PPP1R3A: variants seen among roughly 807,000 people sequenced by gnomAD.
The protein encoded by PPP1R3A is protein phosphatase 1 regulatory subunit 3A.
PPP1R3A carries 29 observed loss-of-function variants against 41.7 expected under a neutral mutation model. The ratio of observed to expected loss-of-function variants is 0.70; its 90% CI spans 0.52 to 0.95. The LOEUF (loss-of-function observed/expected upper bound fraction) is 0.95, where lower values mean the gene tolerates loss of function less well. Ranked by LOEUF, PPP1R3A falls within the 40% of genes least tolerant of loss-of-function variation. The pLI is 0.00. For missense variants in PPP1R3A, 1,352 were observed against 1,292.4 expected, an observed-to-expected ratio of 1.05 and a Z score of -0.71; for synonymous variants, 485 against 453.4, an observed-to-expected ratio of 1.07 and a Z score of -0.89.
In PPP1R3A at chr7:113,912,057, T is replaced by C. The variant is rs993387641; in HGVS notation, c.782+6158A>G. On this transcript the variant is annotated intron_variant, in intron 1 of 3. Transcript: ENST00000284601. ...TTTATCCAAGTCAAGCAGATAGTAA[T>C]TAGTTAGAATTAAAGCCTCAAGGTC... 3.9e-5 allele frequency among the ~76,000 whole-genome samples: 6 copies of C among 152,234 alleles called. No individual in the cohort carries two copies. In the South Asian group the frequency reaches 1.2e-3, roughly 32 times the overall value.
At position 113,879,420 on chromosome 7, in the gene PPP1R3A, T is replaced by C. The variant is rs986669228; in HGVS notation, c.1672A>G (p.Ser558Gly). 2.5e-6 allele frequency: 4 copies of C among 1,613,484 alleles called. No homozygotes were observed. The Admixed American group carries it at 6.7e-5, about 27-fold the overall frequency. Residue 558 changes from serine (S) to glycine (G), a missense_variant, in exon 4 of 4, where the codon AGT becomes GGT. By Grantham distance (56) the Ser-to-Gly change is moderately conservative. Coordinates refer to ENST00000284601, the MANE Select transcript of PPP1R3A (RefSeq NM_002711.4). ...AGCAGAGTAGCCAGGTCTCTGTTAC[T>C]AGCTCCAATCCCTGCCACACTTATT... ...PKISVAGIGA[S>G]NRDLATLLSE...
At chr7:113,894,003 G>A (rs1014016545) in intron 1 of PPP1R3A, among the ~76,000 whole-genome samples, 1 of 151,898 alleles carries the variant, frequency 6.6e-6, no homozygotes, top group Non-Finnish European at 1.5e-5. Flanking sequence ...GTGACAAAGT[G>A]GTAGGTGGTG....
intron 1 of PPP1R3A, among the ~76,000 whole-genome samples, chr7:113,911,703 G>A (rs1199974402): frequency 2.6e-5 from 4 of 151,888 alleles, no homozygotes; most frequent in South Asian, 2.1e-4. Flanking sequence ...ATAAATACTC[G>A]TCTCCCTGGC....
intron 1 of PPP1R3A, among the ~76,000 whole-genome samples, chr7:113,908,494 C>T (rs913967322): frequency 4.0e-5 from 6 of 151,784 alleles, no homozygotes; most frequent in Non-Finnish European, 8.8e-5. Flanking sequence ...ATTGATAGAA[C>T]AAATAGCTTT....
At chr7:113,883,233 C>A (rs1308832014) in intron 1 of PPP1R3A, among the ~76,000 whole-genome samples, 1 of 151,942 alleles carries the variant, frequency 6.6e-6, no homozygotes, top group African/African-American at 2.4e-5. Flanking sequence ...TTCTTATACT[C>A]TCTCAACTGA....
At position 113,880,120 on chromosome 7, in the gene PPP1R3A, A is replaced by T; in HGVS notation, c.972T>A (p.Asn324Lys). 5 of 1,589,634 alleles carry T rather than the reference A, an allele frequency of 3.1e-6. No individual in the cohort carries two copies. Among genetic ancestry groups the T allele is most frequent in the Non-Finnish European group, 4.3e-6 (5 of 1,158,664 alleles). ...TACTTCTGGTTCTTATTAAGTGTTG[A>T]TTTATCTTATGGGATAAAAACAACA... ...HNEKELELMINQHLIRTRSTA... is the reference protein window; with the variant it reads ...HNEKELELMIKQHLIRTRSTA... The change falls in exon 4 of 4, where the codon AAT (asparagine) becomes AAA (lysine). Residue 324 changes from asparagine to lysine, a missense_variant. Coordinates refer to ENST00000284601, the MANE Select transcript of PPP1R3A (RefSeq NM_002711.4).
At chr7:113,897,701 C>T (rs1256272670) in intron 1 of PPP1R3A, among the ~76,000 whole-genome samples, 2 of 151,822 alleles carry the variant, frequency 1.3e-5, no homozygotes, top group African/African-American at 4.8e-5. Flanking sequence ...GCCAAGACAA[C>T]TTGCCCCATT....
rs533506675 is a variant in PPP1R3A at position 113,879,821 on chromosome 7, C to G, written c.1271G>C (p.Ser424Thr). ...AGTATGTAATTGCACTAGTTCATCA[C>G]TACTAGTATCTCCCAATGATGGCTT... Reference protein sequence around the residue: ...EIKPSLGDTSSDELVQLHTGS... With the variant: ...EIKPSLGDTSTDELVQLHTGS... The change falls in exon 4 of 4, where the codon AGT becomes ACT. Residue 424 changes from serine to threonine, a missense_variant. Ser to Thr is a moderately conservative substitution (Grantham distance 58). Transcript: ENST00000284601. 1.4e-5 allele frequency: 23 copies of G among 1,613,216 alleles called. No homozygotes were observed. Among genetic ancestry groups the G allele is most frequent in the Non-Finnish European group, 2.0e-5 (23 of 1,179,480 alleles).
intron 1 of PPP1R3A, among the ~76,000 whole-genome samples, chr7:113,893,312 A>G (rs2129116864): frequency 6.6e-6 from 1 of 152,178 alleles, no homozygotes; most frequent in South Asian, 2.1e-4. Context: ...ATCAATAGAA[A>G]TAACTGCTTA....
At chr7:113,914,573 C>T (rs890078691) in intron 1 of PPP1R3A, among the ~76,000 whole-genome samples, 2 of 152,050 alleles carry the variant, frequency 1.3e-5, no homozygotes, top group African/African-American at 4.8e-5. Flanking sequence ...AATTTAGAAG[C>T]CCTGAAATGA....
Position 113,878,768 on chromosome 7 carries a change from G to A in PPP1R3A, c.2324C>T (p.Pro775Leu). 6.2e-7 allele frequency: 1 copy of A among 1,613,466 alleles called. No individual in the cohort carries two copies. Among genetic ancestry groups the A allele is most frequent in the Non-Finnish European group, 8.5e-7 (1 of 1,179,708 alleles). The stretch of plus-strand genomic sequence containing the variant: ...TGAATCATCATTTCTCCCTTCATGT[G>A]GATCAAACGCTGTTTCCTTTACCTC... ...PIEVKETAFD[P>L]HEGRNDDSHY... The change falls in exon 4 of 4, where the codon CCA (proline) becomes CTA (leucine). Residue 775 changes from proline to leucine, a missense_variant. By Grantham distance (98) the Pro-to-Leu change is moderately conservative. Transcript: ENST00000284601.
chr7:113,893,516 A>C (rs1027103589), intron 1 of PPP1R3A, among the ~76,000 whole-genome samples: 1 of 152,008 alleles, frequency 6.6e-6, no homozygotes, highest in Non-Finnish European at 1.5e-5. Context: ...TTTCAAAAGT[A>C]AAACATTACC....
At position 113,915,614 on chromosome 7, in the gene PPP1R3A, C is replaced by CACATACATATATATACATATATATAT. The variant is rs1797328570; in HGVS notation, c.782+2575_782+2600dup. On this transcript the variant is annotated intron_variant, in intron 1 of 3. Transcript: ENST00000284601. ...ACATATATACATATACATATATATA[C>CACATACATATATATACATATATATAT]ACATACATATATATACATATATATA... Among the ~76,000 whole-genome samples, 5 of 148,182 alleles carry CACATACATATATATACATATATATAT rather than the reference C, an allele frequency of 3.4e-5. No homozygotes were observed. In the Admixed American group the frequency reaches 3.4e-4, roughly 10 times the overall value.
At chr7:113,889,874 CACA>C (rs1301822316) in intron 1 of PPP1R3A, among the ~76,000 whole-genome samples, 2 of 152,106 alleles carry the variant, frequency 1.3e-5, no homozygotes, top group South Asian at 2.1e-4. Context: ...TCCCTGCTCT[CACA>C]AGCTAATGGG....
intron 1 of PPP1R3A, among the ~76,000 whole-genome samples, chr7:113,915,148 T>C (rs1797317465): frequency 6.6e-6 from 1 of 152,046 alleles, no homozygotes; most frequent in Admixed American, 6.6e-5. Context: ...TCTCTCTACA[T>C]ATTTCTTTCT....
chr7:113,910,241 G>A (rs557149706), intron 1 of PPP1R3A, among the ~76,000 whole-genome samples: 7 of 152,160 alleles, frequency 4.6e-5, no homozygotes, highest in African/African-American at 1.7e-4. Flanking sequence ...TGGGGACACA[G>A]CCAAACCATA....
intron 3 of PPP1R3A, among the ~76,000 whole-genome samples, chr7:113,880,468 G>C (rs1240230454): frequency 6.6e-6 from 1 of 152,036 alleles, no homozygotes; most frequent in African/African-American, 2.4e-5. Context: ...CAATTAGACA[G>C]CAGCTTCCTG....
intron 1 of PPP1R3A, among the ~76,000 whole-genome samples, chr7:113,910,281 C>A (rs1002601434): frequency 1.3e-5 from 2 of 152,000 alleles, no homozygotes; most frequent in African/African-American, 4.8e-5. Context: ...AATATATAAC[C>A]ATTTGACCTG....
rs945219234 is a variant in PPP1R3A at position 113,884,424 on chromosome 7, T to C, written c.783-2104A>G. ...ATTGGTACAGAGTCAGGCAAACTAATAAGACAAGATTGAGAGCTTAGAACT... is the reference window on the plus strand; with the variant it reads ...ATTGGTACAGAGTCAGGCAAACTAACAAGACAAGATTGAGAGCTTAGAACT... On this transcript the variant is annotated intron_variant, in intron 1 of 3. Transcript: ENST00000284601. 2.0e-5 allele frequency among the ~76,000 whole-genome samples: 3 copies of C among 151,980 alleles called. 1 individual carries two copies. Among genetic ancestry groups the C allele is most frequent in the Admixed American group, 2.0e-4 (3 of 15,208 alleles).
Sources: allele counts gnomAD v4.1 joint callset (sites outside exome capture counted in the v4.1 genomes callset), GRCh38; gene constraint gnomAD v4.1.1; transcripts MANE v1.5; gene names NCBI Gene and HGNC (gene_info 2026-07-23, HGNC 2026-07-21).